Variants in OPCML observed in about 807,000 individuals in gnomAD.
OPCML encodes opioid-binding protein/cell adhesion molecule.
Under a neutral mutation model 37.8 loss-of-function variants are expected in OPCML, and 13 were observed. The ratio of observed to expected loss-of-function variants is 0.34; its 90% CI spans 0.22 to 0.55. The LOEUF (loss-of-function observed/expected upper bound fraction) is 0.55. Ranked by LOEUF, OPCML falls within the 20% of genes least tolerant of loss-of-function variation. The pLI, the probability that OPCML is intolerant of heterozygous loss-of-function variation, is 0.91. For missense variants in OPCML, 341 were observed against 435.6 expected (o/e 0.78, Z 1.93); for synonymous variants, 176 against 168.8 (o/e 1.04, Z -0.33).
chr11:133,306,803 C>T (rs752440315), intron 1 of OPCML, among the ~76,000 whole-genome samples: 4 of 152,148 alleles, frequency 2.6e-5, no homozygotes, highest in Non-Finnish European at 5.9e-5. Flanking sequence ...GACATAAGAG[C>T]TACTCTTCAT....
intron 1 of OPCML, among the ~76,000 whole-genome samples, chr11:133,070,482 G>A (rs1390165346): frequency 2.0e-5 from 3 of 152,124 alleles, no homozygotes; most frequent in Non-Finnish European, 4.4e-5. Flanking sequence ...TCCACCCAGG[G>A]ATGTGATGGC....
chr11:133,443,372 A>G (rs750260866), intron 1 of OPCML, among the ~76,000 whole-genome samples: 4 of 152,214 alleles, frequency 2.6e-5, no homozygotes, highest in Non-Finnish European at 5.9e-5. Flanking sequence ...TGGAGCTTTC[A>G]GATTCCTTCT....
chr11:132,790,138 ACCC>A, intron 2 of OPCML, among the ~76,000 whole-genome samples: 1 of 152,272 alleles, frequency 6.6e-6, no homozygotes, highest in Admixed American at 6.5e-5. Context: ...AGACATCTGC[ACCC>A]CCATGTTCGT....
At chr11:133,387,494 A>C (rs1945079988) in intron 1 of OPCML, among the ~76,000 whole-genome samples, 2 of 152,206 alleles carry the variant, frequency 1.3e-5, no homozygotes, top group Admixed American at 1.3e-4. Context: ...CAACAGGCAA[A>C]GCTGCATCCC....
intron 1 of OPCML, among the ~76,000 whole-genome samples, chr11:133,496,703 G>A (rs986999208): frequency 1.4e-4 from 22 of 152,270 alleles, no homozygotes; most frequent in African/African-American, 4.8e-4. Flanking sequence ...TCTCCACTTG[G>A]TCACTGTTGG....
chr11:132,438,659 G>A (rs1184177980), intron 4 of OPCML, among the ~76,000 whole-genome samples: 1 of 150,772 alleles, frequency 6.6e-6, no homozygotes, highest in Non-Finnish European at 1.5e-5. Flanking sequence ...AGGGTATAGG[G>A]TGTGCAGCAG....
intron 3 of OPCML, among the ~76,000 whole-genome samples, chr11:132,594,163 C>T (rs1400805333): frequency 1.3e-5 from 2 of 152,148 alleles, no homozygotes; most frequent in African/African-American, 4.8e-5. Flanking sequence ...AAATGCAAAC[C>T]TACCTGAGCT....
chr11:133,143,657 AC>A (rs1949857211), intron 1 of OPCML, among the ~76,000 whole-genome samples: 1 of 152,208 alleles, frequency 6.6e-6, no homozygotes, highest in Non-Finnish European at 1.5e-5. Context: ...CTCAGAGCAA[AC>A]TGAGATAAAG....
At chr11:132,963,607 A>C (rs868125906) in intron 1 of OPCML, among the ~76,000 whole-genome samples, 3 of 151,168 alleles carry the variant, frequency 2.0e-5, no homozygotes, top group Admixed American at 6.6e-5. Context: ...AAAAAAAAAA[A>C]CTGTGGCTCT....
chr11:132,742,843 T>C (rs1048616500), intron 2 of OPCML, among the ~76,000 whole-genome samples: 2 of 151,016 alleles, frequency 1.3e-5, no homozygotes, highest in African/African-American at 4.9e-5. Context: ...ATATAATGTA[T>C]ACATATATAA....
chr11:132,470,250 T>C (rs535917567), intron 4 of OPCML, among the ~76,000 whole-genome samples: 3 of 152,020 alleles, frequency 2.0e-5, no homozygotes, highest in Admixed American at 6.6e-5. Flanking sequence ...TTGGCAACAG[T>C]ACAGGAGAGG....
At chr11:133,527,647 G>A (rs1948516518) in intron 1 of OPCML, among the ~76,000 whole-genome samples, 1 of 152,116 alleles carries the variant, frequency 6.6e-6, no homozygotes, top group South Asian at 2.1e-4. Flanking sequence ...ACCAGGATGA[G>A]TTTTTTTATA....
intron 2 of OPCML, among the ~76,000 whole-genome samples, chr11:132,852,147 CTG>C (rs2136331705): frequency 6.6e-6 from 1 of 152,228 alleles, no homozygotes; most frequent in South Asian, 2.1e-4. Flanking sequence ...TAATTCTTAT[CTG>C]CCTTATTTTA....
chr11:133,472,997 C>G (rs887983620), intron 1 of OPCML, among the ~76,000 whole-genome samples: 1 of 152,120 alleles, frequency 6.6e-6, no homozygotes, highest in African/African-American at 2.4e-5. Context: ...TACCATTTTA[C>G]TAAGGGACAA....
At chr11:132,876,182 C>T (rs574095126) in intron 2 of OPCML, among the ~76,000 whole-genome samples, 9 of 152,294 alleles carry the variant, frequency 5.9e-5, no homozygotes, top group East Asian at 3.9e-4. Context: ...TCATAGAAGT[C>T]GGGAATCGAT....
intron 1 of OPCML, among the ~76,000 whole-genome samples, chr11:133,266,274 AAT>A (rs1941656372): frequency 6.6e-6 from 1 of 152,040 alleles, no homozygotes; most frequent in Non-Finnish European, 1.5e-5. Context: ...AGGAACTTTC[AAT>A]TATTTGATTA....
intron 1 of OPCML, among the ~76,000 whole-genome samples, chr11:133,477,555 C>T (rs191735304): frequency 1.3e-5 from 2 of 152,200 alleles, no homozygotes; most frequent in East Asian, 1.9e-4. Flanking sequence ...AAGTTTGATG[C>T]GGGTTTTTTT....
In OPCML at chr11:132,859,712, G is replaced by GT. The variant is rs1942216661; in HGVS notation, c.146+83213dup. On this transcript the variant is annotated intron_variant, in intron 2 of 7. Coordinates refer to ENST00000524381, the MANE Select transcript of OPCML (RefSeq NM_001012393.5). ...AAAGGTTAGCAAAGGCTAGTGTTTTGTAAGAGACAAATGAGAGTACACAAT... is the reference window on the plus strand; with the variant it reads ...AAAGGTTAGCAAAGGCTAGTGTTTTGTTAAGAGACAAATGAGAGTACACAAT... The GT allele has an allele frequency of 2.0e-5, 3 of 152,304 alleles. No individual in the cohort carries two copies. In the South Asian group the frequency reaches 6.2e-4, roughly 32 times the overall value. The allele number at this position is 152,304 out of a possible 1,614,324, so 9.4% of individuals were successfully genotyped here.
intron 2 of OPCML, among the ~76,000 whole-genome samples, chr11:132,695,888 G>A (rs554808268): frequency 6.6e-6 from 1 of 152,172 alleles, no homozygotes; most frequent in Admixed American, 6.5e-5. Flanking sequence ...TAGCACAAGT[G>A]TGAACTTGTC....
Sources: gnomAD v4.1 joint callset for allele counts (sites outside exome capture counted in the v4.1 genomes callset) on GRCh38, gnomAD v4.1.1 for gene constraint, MANE v1.5 for transcripts, NCBI Gene and HGNC (gene_info 2026-07-23, HGNC 2026-07-21) for gene names.